The following MYO5A variants were observed in gnomAD, a reference collection of about 807,000 sequenced individuals.
The protein encoded by MYO5A is unconventional myosin-Va.
Under a neutral mutation model 249.7 loss-of-function variants are expected in MYO5A, and 98 were observed. The ratio of observed to expected loss-of-function variants is 0.39; its 90% confidence interval spans 0.33 to 0.46. MYO5A has a LOEUF of 0.46. Among genes scored for constraint, MYO5A ranks in the 20% least tolerant of loss-of-function variants. The pLI, the probability that MYO5A is intolerant of heterozygous loss-of-function variation, is 0.98. For missense variants in MYO5A, 1,696 were observed against 2,308.8 expected (o/e 0.73, Z 5.44); for synonymous variants, 778 against 810.6 (o/e 0.96, Z 0.68).
At chr15:52,322,731 T>C (rs1043554703) in intron 37 of MYO5A, among the ~76,000 whole-genome samples, 2 of 152,084 alleles carry the variant, frequency 1.3e-5, no homozygotes, top group Admixed American at 6.5e-5. Context: ...TAGAGTTTTT[T>C]TGGACAAATC....
At chr15:52,325,785 T>C (rs893524363) in intron 36 of MYO5A, among the ~76,000 whole-genome samples, 1 of 152,146 alleles carries the variant, frequency 6.6e-6, no homozygotes, top group Non-Finnish European at 1.5e-5. Context: ...TACTCTATAT[T>C]ACTTCAAAAT....
At chr15:52,463,100 T>C (rs909860137) in intron 1 of MYO5A, among the ~76,000 whole-genome samples, 2 of 152,184 alleles carry the variant, frequency 1.3e-5, no homozygotes, top group African/African-American at 4.8e-5. Flanking sequence ...AAAAATCTCA[T>C]GAACTAAAGG....
chr15:52,404,364 A>G (rs1015460021), intron 9 of MYO5A, among the ~76,000 whole-genome samples: 1 of 152,128 alleles, frequency 6.6e-6, no homozygotes, highest in Non-Finnish European at 1.5e-5. Flanking sequence ...CACATCTAAT[A>G]TAGTATCAAA....
chr15:52,410,559 A>T (rs2043203216), intron 5 of MYO5A, 83 bp from the exon 6 acceptor site: 5 of 1,287,718 alleles, frequency 3.9e-6, no homozygotes, highest in East Asian at 4.7e-5. Flanking sequence ...GAGAGAAAAG[A>T]TGGAGTAGAA....
At position 52,364,655 on chromosome 15, in the gene MYO5A, C is replaced by T. The variant is rs1386062587; in HGVS notation, c.3208G>A (p.Asp1070Asn). Reference sequence around the variant, plus strand: ...TATCTCAGCCTTTCATCATTAAGGTCGAGTTCCAGTTGTTTCGTTTCTTCT... The same window carrying T: ...TATCTCAGCCTTTCATCATTAAGGTTGAGTTCCAGTTGTTTCGTTTCTTCT... Reference protein sequence around the residue: ...LVEETKQLELDLNDERLRYQN... With the variant: ...LVEETKQLELNLNDERLRYQN... The change falls in exon 24 of 42, where the codon GAC (aspartate) becomes AAC (asparagine). Residue 1070 changes from aspartate (D) to asparagine (N), a missense_variant. Around this residue, in one of 5 missense-constraint regions of MYO5A, gnomAD observed 412 missense variants for 453.3 expected, o/e 0.91. Coordinates refer to ENST00000399233, the MANE Select transcript of MYO5A (RefSeq NM_001382347.1). The T allele has an allele frequency of 3.1e-6, 5 of 1,613,750 alleles. No individual in the cohort carries two copies. The highest frequency in any genetic ancestry group is 1.3e-5 in the African/African-American group (1 of 74,996).
chr15:52,468,991 C>A (rs2076405189), intron 1 of MYO5A, among the ~76,000 whole-genome samples: 1 of 151,998 alleles, frequency 6.6e-6, no homozygotes. Context: ...TATACATATC[C>A]TTGAATCAGA....
intron 1 of MYO5A, among the ~76,000 whole-genome samples, chr15:52,504,673 G>A (rs28545705): frequency 0.019 from 2,841 of 152,172 alleles, 62 homozygotes; most frequent in African/African-American, 0.053. Context: ...AGACCAAGGC[G>A]GGTGGATCGC....
intron 14 of MYO5A, among the ~76,000 whole-genome samples, chr15:52,387,108 G>A (rs1418447919): frequency 1.3e-5 from 2 of 152,028 alleles, no homozygotes; most frequent in African/African-American, 4.8e-5. Context: ...TAAGAAACTG[G>A]CTTCCTGCTC....
chr15:52,332,601 C>T (rs2038940583), intron 34 of MYO5A, among the ~76,000 whole-genome samples: 1 of 152,162 alleles, frequency 6.6e-6, no homozygotes, highest in African/African-American at 2.4e-5. Context: ...CTTTGCAAAG[C>T]TCACAAATGA....
chr15:52,329,621 T>C (rs1206353966), intron 35 of MYO5A, among the ~76,000 whole-genome samples: 1 of 152,168 alleles, frequency 6.6e-6, no homozygotes, highest in East Asian at 1.9e-4. Flanking sequence ...TACACTGCCG[T>C]CCTTGACCTA....
rs2040843585 is a variant in MYO5A, at chr15:52,366,972, G to A, written c.3160+59C>T. On this transcript the variant is annotated intron_variant, in intron 23 of 41. Coordinates refer to ENST00000399233, the MANE Select transcript of MYO5A (RefSeq NM_001382347.1). Reference sequence around the variant, plus strand: ...GTTGTGTAACTCATCAAATGACATTGTAACTTACATAACTTTGGTGTGAGG... The same window carrying A: ...GTTGTGTAACTCATCAAATGACATTATAACTTACATAACTTTGGTGTGAGG... The A allele has an allele frequency of 3.8e-6, 5 of 1,316,420 alleles. No individual in the cohort carries two copies. In the Admixed American group the frequency reaches 5.0e-5, roughly 13 times the overall value. The allele number at this position is 1,316,420 out of a possible 1,614,324, so 81.5% of individuals were successfully genotyped here. A position where few individuals can be genotyped will look rare whatever the true frequency, so the allele number is the denominator to read the frequency against.
chr15:52,319,226 G>T lies in MYO5A; in HGVS notation c.5068C>A (p.Leu1690Ile). The T allele has an allele frequency of 2.5e-6, 4 of 1,614,184 alleles. No homozygotes were observed. The highest frequency in any genetic ancestry group is 3.4e-6 in the Non-Finnish European group (4 of 1,180,028). ...DEGTYTLDSI[L>I]RQLNSFHSVM... The stretch of plus-strand genomic sequence containing the variant: ...GAGTGGAAGGAGTTGAGCTGCCGGA[G>T]GATGGAGTCCAGTGTGTAGGTGCCC... The change falls in exon 39 of 42, where the codon CTC becomes ATC. Residue 1690 changes from leucine (L) to isoleucine (I), a missense_variant. By Grantham distance (5) the Leu-to-Ile change is conservative (BLOSUM62 2). Around this residue, in one of 5 missense-constraint regions of MYO5A, gnomAD observed 625 missense variants for 908.1 expected, o/e 0.69. Transcript: ENST00000399233.
intron 36 of MYO5A, among the ~76,000 whole-genome samples, chr15:52,326,786 T>C (rs548101086): frequency 2.0e-5 from 3 of 152,362 alleles, no homozygotes; most frequent in Admixed American, 2.0e-4. Flanking sequence ...CACTGGCATG[T>C]TGACTATCCA....
At chr15:52,521,445 T>C (rs2077618162) in intron 1 of MYO5A, among the ~76,000 whole-genome samples, 1 of 152,144 alleles carries the variant, frequency 6.6e-6, no homozygotes. Context: ...TTTTTGTATA[T>C]GTGACAAAAG....
intron 1 of MYO5A, among the ~76,000 whole-genome samples, chr15:52,457,849 G>A (rs544729859): frequency 1.7e-3 from 265 of 152,272 alleles, no homozygotes; most frequent in South Asian, 4.6e-3. Context: ...GCTACGATAT[G>A]GAATCAACCT....
intron 31 of MYO5A, among the ~76,000 whole-genome samples, 196 bp downstream of exon 31, chr15:52,342,920 AG>A (rs2039447754): frequency 6.6e-6 from 1 of 151,972 alleles, no homozygotes; most frequent in South Asian, 2.1e-4. Flanking sequence ...CGTCTAAAAA[AG>A]AAAAAAAAAA....
chr15:52,514,660 T>C (rs1474642318), intron 1 of MYO5A, among the ~76,000 whole-genome samples: 1 of 152,054 alleles, frequency 6.6e-6, no homozygotes, highest in Non-Finnish European at 1.5e-5. Flanking sequence ...CTGCTCAAGG[T>C]GTGGTTCTCA....
chr15:52,408,410 A>G (rs954503326), intron 6 of MYO5A, among the ~76,000 whole-genome samples: 2 of 151,694 alleles, frequency 1.3e-5, no homozygotes, highest in African/African-American at 4.9e-5. Flanking sequence ...TATGTCAACA[A>G]TCATAAGATA....
chr15:52,423,318 C>T (rs1386630478), intron 4 of MYO5A, among the ~76,000 whole-genome samples: 3 of 151,558 alleles, frequency 2.0e-5, no homozygotes, highest in Non-Finnish European at 4.4e-5. Flanking sequence ...TTTGGGAGGC[C>T]GAGGTGGGCG....
Sources: gnomAD v4.1 joint callset for allele counts (sites outside exome capture counted in the v4.1 genomes callset) on GRCh38, gnomAD v4.1.1 for gene constraint, gnomAD v4.1.1 regional missense constraint, MANE v1.5 for transcripts, NCBI Gene and HGNC (gene_info 2026-07-23, HGNC 2026-07-21) for gene names.